Variants in GABBR2 observed in about 807,000 individuals in gnomAD.
GABBR2 encodes G-protein coupled receptor 51.
A neutral mutation model predicts 105.6 loss-of-function variants in GABBR2; 23 were observed. That is an observed-to-expected ratio of 0.22 (90% CI 0.16 to 0.31). GABBR2 has a LOEUF of 0.31. GABBR2 is among the 10% of genes least tolerant of loss of function. GABBR2 has a pLI of 1.00. For missense variants in GABBR2, 734 were observed against 1,245.5 expected, an observed-to-expected ratio of 0.59 and a Z score of 6.18; for synonymous variants, 478 against 499.7, an observed-to-expected ratio of 0.96 and a Z score of 0.58.
chr9:98,619,905 C>T (rs902855753), intron 1 of GABBR2, among the ~76,000 whole-genome samples: 1 of 152,194 alleles, frequency 6.6e-6, no homozygotes, highest in Non-Finnish European at 1.5e-5. Flanking sequence ...CCAAGCTTCA[C>T]GCATGCCTGC....
intron 3 of GABBR2, among the ~76,000 whole-genome samples, chr9:98,508,542 G>A (rs575808403): frequency 1.3e-5 from 2 of 152,302 alleles, no homozygotes; most frequent in Non-Finnish European, 2.9e-5. Context: ...GACGGCACCT[G>A]GAAAATTGGG....
chr9:98,524,655 A>G (rs1827926348), intron 3 of GABBR2, among the ~76,000 whole-genome samples: 1 of 152,162 alleles, frequency 6.6e-6, no homozygotes, highest in Non-Finnish European at 1.5e-5. Context: ...CTCACTGTTT[A>G]TCGCTCACAC....
intron 7 of GABBR2, among the ~76,000 whole-genome samples, chr9:98,415,643 G>T (rs1429457656): frequency 2.0e-5 from 3 of 152,168 alleles, no homozygotes; most frequent in Non-Finnish European, 2.9e-5. Context: ...CGTTATTTAA[G>T]ATTTTTTTCC....
chr9:98,406,039 T>C, intron 8 of GABBR2, 42 bp downstream of exon 8: 1 of 1,098,846 alleles, frequency 9.1e-7, no homozygotes, highest in Non-Finnish European at 1.4e-6. Context: ...TTCCTGAATC[T>C]AAATTTTATC....
intron 1 of GABBR2, among the ~76,000 whole-genome samples, chr9:98,646,346 T>C (rs1447903784): frequency 6.6e-6 from 1 of 152,188 alleles, no homozygotes; most frequent in African/African-American, 2.4e-5. Context: ...GCTTTCCTGG[T>C]AGAAACACTT....
At chr9:98,618,980 G>GA (rs1479324811) in intron 1 of GABBR2, among the ~76,000 whole-genome samples, 1 of 152,110 alleles carries the variant, frequency 6.6e-6, no homozygotes, top group East Asian at 1.9e-4. Flanking sequence ...TATAAAAAAG[G>GA]AAAAAGAGAA....
intron 3 of GABBR2, among the ~76,000 whole-genome samples, chr9:98,497,992 C>T (rs1827318048): frequency 6.6e-6 from 1 of 152,160 alleles, no homozygotes; most frequent in African/African-American, 2.4e-5. Flanking sequence ...ACGTTCACTG[C>T]TCGATGAATG....
At chr9:98,501,124 T>TG (rs1827389188) in intron 3 of GABBR2, among the ~76,000 whole-genome samples, 1 of 92,640 alleles carries the variant, frequency 1.1e-5, no homozygotes, top group Admixed American at 1.2e-4. Flanking sequence ...TAGGAACCAC[T>TG]GCCCCCCCCC....
intron 6 of GABBR2, among the ~76,000 whole-genome samples, chr9:98,471,634 G>C (rs1156500998): frequency 1.3e-5 from 2 of 152,176 alleles, no homozygotes; most frequent in Non-Finnish European, 2.9e-5. Context: ...CATCCTGACA[G>C]CCTCACAGAT....
chr9:98,371,950 C>T (rs1277404046), intron 11 of GABBR2, among the ~76,000 whole-genome samples: 1 of 152,204 alleles, frequency 6.6e-6, no homozygotes, highest in African/African-American at 2.4e-5. Flanking sequence ...TTCCTGCTGC[C>T]CAGCCCTCTC....
At chr9:98,523,251 A>C (rs1331127807) in intron 3 of GABBR2, among the ~76,000 whole-genome samples, 1 of 152,248 alleles carries the variant, frequency 6.6e-6, no homozygotes, top group Non-Finnish European at 1.5e-5. Context: ...AGAAAAGCAG[A>C]AGAAAATAAA....
At chr9:98,614,798 A>G (rs927991358) in intron 1 of GABBR2, among the ~76,000 whole-genome samples, 1 of 151,970 alleles carries the variant, frequency 6.6e-6, no homozygotes, top group African/African-American at 2.4e-5. Flanking sequence ...AGGGAGGGAG[A>G]GAGACAGACA....
At chr9:98,521,326 G>A (rs1246875596) in intron 3 of GABBR2, among the ~76,000 whole-genome samples, 1 of 152,156 alleles carries the variant, frequency 6.6e-6, no homozygotes, top group African/African-American at 2.4e-5. Flanking sequence ...GCTGCAGGGA[G>A]GGTGGATGTG....
chr9:98,411,133 G>A (rs541314120), intron 7 of GABBR2, among the ~76,000 whole-genome samples: 1 of 152,296 alleles, frequency 6.6e-6, no homozygotes, highest in Non-Finnish European at 1.5e-5. Context: ...GTTCCAAGTG[G>A]ATAACTTATA....
chr9:98,630,418 A>G (rs1829800524), intron 1 of GABBR2, among the ~76,000 whole-genome samples: 1 of 152,188 alleles, frequency 6.6e-6, no homozygotes, highest in Non-Finnish European at 1.5e-5. Context: ...TCTTGCTTTC[A>G]TCATTATGAC....
chr9:98,694,909 A>T (rs1377003560), intron 1 of GABBR2, among the ~76,000 whole-genome samples: 1 of 152,200 alleles, frequency 6.6e-6, no homozygotes, highest in African/African-American at 2.4e-5. Context: ...TAGAATCCAG[A>T]GCTCTTTCCA....
chr9:98,405,787 G>A (rs1832479380), intron 8 of GABBR2, among the ~76,000 whole-genome samples: 1 of 152,220 alleles, frequency 6.6e-6, no homozygotes, highest in South Asian at 2.1e-4. Flanking sequence ...AAGTCTGTAT[G>A]TATTTGGTAC....
chr9:98,623,286 GT>G (rs1829692956), intron 1 of GABBR2, among the ~76,000 whole-genome samples: 1 of 152,110 alleles, frequency 6.6e-6, no homozygotes, highest in Non-Finnish European at 1.5e-5. Context: ...TTAGCTGGGG[GT>G]GGTGGCCCAT....
At chr9:98,333,179 T>A (rs561490326) in intron 13 of GABBR2, among the ~76,000 whole-genome samples, 1 of 152,226 alleles carries the variant, frequency 6.6e-6, no homozygotes, top group African/African-American at 2.4e-5. Flanking sequence ...CTAACCTTCA[T>A]CAAGTGCTCT....
Sources: allele counts gnomAD v4.1 joint callset (sites outside exome capture counted in the v4.1 genomes callset), GRCh38; gene constraint gnomAD v4.1.1; transcripts MANE v1.5; gene names NCBI Gene and HGNC (gene_info 2026-07-23, HGNC 2026-07-21).